The following ARB2A variants were observed in gnomAD, a reference collection of about 807,000 sequenced individuals.
The protein encoded by ARB2A is ARB2 cotranscriptional regulator A.
chr5:93,911,596 T>C, the ARB2A span, among the ~76,000 whole-genome samples: 1 of 151,304 alleles, frequency 6.6e-6, no homozygotes, highest in African/African-American at 2.4e-5. Flanking sequence ...GGTTCACCTT[T>C]CTACAGTTCA....
the ARB2A span, among the ~76,000 whole-genome samples, chr5:93,876,268 T>C: frequency 2.6e-5 from 4 of 152,316 alleles, no homozygotes; most frequent in South Asian, 8.3e-4. Flanking sequence ...TCTTGAATTC[T>C]GTTGGCAGAT....
At chr5:94,001,291 A>C in the ARB2A span, among the ~76,000 whole-genome samples, 27 of 152,098 alleles carry the variant, frequency 1.8e-4, no homozygotes, top group Non-Finnish European at 2.8e-4. Context: ...TGGTATATCT[A>C]TTTATTTAGT....
At chr5:94,021,912 T>C in the ARB2A span, among the ~76,000 whole-genome samples, 1 of 152,114 alleles carries the variant, frequency 6.6e-6, no homozygotes, top group East Asian at 1.9e-4. Flanking sequence ...CTACTAAAAA[T>C]ACAAAAACAT....
chr5:93,827,175 A>T, the ARB2A span, among the ~76,000 whole-genome samples: 1 of 152,138 alleles, frequency 6.6e-6, no homozygotes, highest in Non-Finnish European at 1.5e-5. Flanking sequence ...CACCACACTG[A>T]CTTCCACAAT....
the ARB2A span, among the ~76,000 whole-genome samples, chr5:93,664,634 A>AAAAT: frequency 5.5e-5 from 8 of 145,960 alleles, no homozygotes; most frequent in Non-Finnish European, 7.5e-5. Context: ...TCGTCTCAAA[A>AAAAT]ATATATATAT....
chr5:93,924,767 G>A, the ARB2A span, among the ~76,000 whole-genome samples: 1 of 152,146 alleles, frequency 6.6e-6, no homozygotes, highest in South Asian at 2.1e-4. Context: ...GGGTCAGGGG[G>A]AGGGAATATG....
chr5:93,833,910 T>G, the ARB2A span, among the ~76,000 whole-genome samples: 1 of 152,236 alleles, frequency 6.6e-6, no homozygotes, highest in African/African-American at 2.4e-5. Flanking sequence ...GTGCTGAGGT[T>G]TGAGATAGGA....
the ARB2A span, among the ~76,000 whole-genome samples, chr5:93,977,009 A>G: frequency 6.6e-6 from 1 of 151,956 alleles, no homozygotes; most frequent in Non-Finnish European, 1.5e-5. Flanking sequence ...TACAATAGCC[A>G]CTAAAAAAAA....
At chr5:93,751,390 A>C in the ARB2A span, among the ~76,000 whole-genome samples, 1 of 152,218 alleles carries the variant, frequency 6.6e-6, no homozygotes, top group Non-Finnish European at 1.5e-5. Flanking sequence ...AAATGATAGC[A>C]CAAGGTCTCA....
chr5:93,756,503 C>T, the ARB2A span, among the ~76,000 whole-genome samples: 5 of 152,176 alleles, frequency 3.3e-5, no homozygotes, highest in East Asian at 5.8e-4. Context: ...CTGGAACAGG[C>T]GTTGGTATCC....
the ARB2A span, among the ~76,000 whole-genome samples, chr5:94,099,224 C>T: frequency 6.6e-6 from 1 of 152,044 alleles, no homozygotes; most frequent in Admixed American, 6.5e-5. Flanking sequence ...TGCAAAAATC[C>T]TCAACAAAAT....
At chr5:93,805,154 GA>G in the ARB2A span, 1 of 984,480 alleles carries the variant, frequency 1.0e-6, no homozygotes, top group Non-Finnish European at 1.2e-6. Context: ...GTAACTTCTA[GA>G]AATCACCAAT....
At chr5:93,847,713 A>G in the ARB2A span, among the ~76,000 whole-genome samples, 2 of 152,188 alleles carry the variant, frequency 1.3e-5, no homozygotes, top group Non-Finnish European at 2.9e-5. Context: ...TATTACATGT[A>G]TTATGAATTA....
chr5:93,886,988 T>C, the ARB2A span, among the ~76,000 whole-genome samples: 3 of 151,696 alleles, frequency 2.0e-5, no homozygotes, highest in Admixed American at 2.0e-4. Context: ...AAATAGCTCA[T>C]CAAGTTAGTC....
the ARB2A span, among the ~76,000 whole-genome samples, chr5:93,854,492 T>G: frequency 6.6e-6 from 1 of 152,236 alleles, no homozygotes; most frequent in Non-Finnish European, 1.5e-5. Context: ...TCTTGCCTTC[T>G]GCTAGCTTTT....
chr5:94,104,343 T>TAA, the ARB2A span, among the ~76,000 whole-genome samples: 1 of 134,672 alleles, frequency 7.4e-6, no homozygotes, highest in Admixed American at 7.3e-5. Context: ...CCCACAGAAA[T>TAA]AAAAAAAAAA....
the ARB2A span, among the ~76,000 whole-genome samples, chr5:93,707,288 C>A: frequency 3.9e-3 from 596 of 152,242 alleles, 6 homozygotes; most frequent in Non-Finnish European, 5.0e-3. Flanking sequence ...TGTCCAAAAG[C>A]AGCCAGGTTT....
the ARB2A span, chr5:93,784,570 G>T: frequency 1.9e-6 from 2 of 1,072,800 alleles, no homozygotes; most frequent in Non-Finnish European, 2.8e-6. Context: ...TGCTTAGTCA[G>T]AGATAACAAT....
chr5:93,857,709 A>G, the ARB2A span, among the ~76,000 whole-genome samples: 217 of 152,220 alleles, frequency 1.4e-3, 7 homozygotes, highest in East Asian at 0.039. Flanking sequence ...TTGACTAGGA[A>G]AGGGAACTCC....
Sources: gnomAD v4.1 joint callset for allele counts (sites outside exome capture counted in the v4.1 genomes callset) on GRCh38, gnomAD v4.1.1 for gene constraint, MANE v1.5 for transcripts, NCBI Gene and HGNC (gene_info 2026-07-23, HGNC 2026-07-21) for gene names.